Variants in SKAP1 observed in about 807,000 individuals in gnomAD.
SKAP1 encodes the protein src kinase associated phosphoprotein 1.
In SKAP1, 44 loss-of-function variants were observed where a neutral mutation model predicts 58.5. That is an observed-to-expected ratio of 0.75 (90% confidence interval 0.59 to 0.97). The LOEUF is 0.97. Among genes scored for constraint, SKAP1 ranks in the 50% least tolerant of loss-of-function variants. The pLI is 0.00. For missense variants in SKAP1, 390 were observed against 435.2 expected (o/e 0.90, Z 0.92); for synonymous variants, 127 against 149.7 (o/e 0.85, Z 1.11).
At position 48,238,118 on chromosome 17, in the gene SKAP1, C is replaced by T. The variant is rs184603842; in HGVS notation, c.281-48618G>A. On this transcript the variant is annotated intron_variant, in intron 4 of 12. Coordinates refer to ENST00000336915, the MANE Select transcript of SKAP1 (RefSeq NM_003726.4). ...AAGCAATTCTCCTGCCTCAGCCTCCCGAGTAGCTGGGATTACAGGCGCATG... is the reference window on the plus strand; with the variant it reads ...AAGCAATTCTCCTGCCTCAGCCTCCTGAGTAGCTGGGATTACAGGCGCATG... Among the ~76,000 whole-genome samples, 929 of 152,030 alleles carry T rather than the reference C, an allele frequency of 6.1e-3. 6 individuals carry two copies. Among genetic ancestry groups the T allele is most frequent in the Non-Finnish European group, 0.01 (712 of 67,972 alleles).
At chr17:48,420,321 A>G (rs1433585602) in intron 1 of SKAP1, among the ~76,000 whole-genome samples, 2 of 152,222 alleles carry the variant, frequency 1.3e-5, no homozygotes, top group Non-Finnish European at 2.9e-5. Flanking sequence ...AGGTAAAAAT[A>G]TTATCTTAAT....
intron 4 of SKAP1, among the ~76,000 whole-genome samples, chr17:48,230,697 C>T (rs969839640): frequency 7.9e-5 from 12 of 151,932 alleles, no homozygotes; most frequent in Non-Finnish European, 1.5e-4. Context: ...ATAGAGGCTA[C>T]GGTGAGCCAC....
chr17:48,205,088 T>TTCTC (rs55806288), intron 4 of SKAP1, among the ~76,000 whole-genome samples: 40 of 137,904 alleles, frequency 2.9e-4, no homozygotes, highest in Admixed American at 9.1e-4. Context: ...CTTTCTTTCC[T>TTCTC]TCTCTCTCTC....
At chr17:48,320,494 A>G (rs190447738) in intron 4 of SKAP1, among the ~76,000 whole-genome samples, 207 of 152,370 alleles carry the variant, frequency 1.4e-3, no homozygotes, top group Admixed American at 3.2e-3. Flanking sequence ...CCTGAACTTT[A>G]TAACTCCTAA....
At chr17:48,410,943 A>AG (rs2067655646) in intron 1 of SKAP1, among the ~76,000 whole-genome samples, 1 of 141,352 alleles carries the variant, frequency 7.1e-6, no homozygotes, top group African/African-American at 3.1e-5. Context: ...TCAAAAAAAA[A>AG]AAAAAAAAAA....
upstream of SKAP1, among the ~76,000 whole-genome samples, chr17:48,434,344 G>A (rs11658218): frequency 0.028 from 4,336 of 152,324 alleles, 103 homozygotes; most frequent in Non-Finnish European, 0.041. Flanking sequence ...GAAGGCAGAG[G>A]AGATGGACAT....
intron 1 of SKAP1, among the ~76,000 whole-genome samples, chr17:48,397,569 C>T (rs932099068): frequency 8.6e-5 from 13 of 151,962 alleles, no homozygotes; most frequent in African/African-American, 3.1e-4. Flanking sequence ...AAATAAGTCA[C>T]AGAAGGTCAC....
intron 4 of SKAP1, among the ~76,000 whole-genome samples, chr17:48,338,411 C>G (rs1369745218): frequency 6.6e-6 from 1 of 152,134 alleles, no homozygotes; most frequent in African/African-American, 2.4e-5. Context: ...CTTGGCCTCT[C>G]AAAGTTCTGG....
chr17:48,240,696 C>A (rs986138083), intron 4 of SKAP1, among the ~76,000 whole-genome samples: 1 of 152,136 alleles, frequency 6.6e-6, no homozygotes, highest in Non-Finnish European at 1.5e-5. Flanking sequence ...CAGTGTTGTT[C>A]CAGTGGAATT....
intron 4 of SKAP1, among the ~76,000 whole-genome samples, chr17:48,277,447 G>A (rs749431271): frequency 2.0e-5 from 3 of 152,166 alleles, no homozygotes; most frequent in Admixed American, 6.5e-5. Flanking sequence ...AATATATGGA[G>A]CATTCCTGAT....
intron 3 of SKAP1, among the ~76,000 whole-genome samples, chr17:48,361,398 T>C (rs1411319739): frequency 2.0e-5 from 3 of 151,818 alleles, no homozygotes; most frequent in African/African-American, 7.3e-5. Flanking sequence ...AGAGACAGGG[T>C]TTCACCATGT....
intron 11 of SKAP1, among the ~76,000 whole-genome samples, chr17:48,143,504 C>G (rs543002566): frequency 1.7e-4 from 26 of 152,140 alleles, no homozygotes; most frequent in Admixed American, 3.9e-4. Context: ...CCCAGCCTGT[C>G]AGGGCATTTT....
At chr17:48,363,724 C>T (rs1478078310) in intron 3 of SKAP1, 65 bp downstream of exon 3, 2 of 1,357,052 alleles carry the variant, frequency 1.5e-6, no homozygotes, top group Non-Finnish European at 2.1e-6. Flanking sequence ...AGAGAAGAGA[C>T]AGGAATAAAC....
chr17:48,444,721 C>A, the SKAP1 span, among the ~76,000 whole-genome samples: 1 of 152,204 alleles, frequency 6.6e-6, no homozygotes, highest in East Asian at 1.9e-4. Flanking sequence ...ATGCAGTCCT[C>A]TATCGGTAGG....
rs1358000603 is a variant in SKAP1 at position 48,180,136 on chromosome 17, T to A, written c.744A>T (p.Arg248Ser). The A allele has an allele frequency of 6.2e-7, 1 of 1,613,998 alleles. No individual in the cohort carries two copies. ...FDSPSCGSQCRPTILPGSVGI... is the reference protein window; with the variant it reads ...FDSPSCGSQCSPTILPGSVGI... The stretch of plus-strand genomic sequence containing the variant: ...CCACACTCCCAGGCAAGATAGTGGG[T>A]CTGCACTGGGAACCACAACTTGGGG... Residue 248 changes from arginine to serine, a missense_variant, in exon 9 of 13, where the codon AGA (arginine) becomes AGT (serine). By Grantham distance (110) the Arg-to-Ser change is moderately radical. Transcript: ENST00000336915.
chr17:48,154,486 T>C lies in SKAP1; in HGVS notation c.978+7983A>G, dbSNP rs79339902. Among the ~76,000 whole-genome samples, 402 of 152,204 alleles carry C rather than the reference T, an allele frequency of 2.6e-3. 1 individual carries two copies. The highest frequency in any genetic ancestry group is 9.1e-3 in the African/African-American group (376 of 41,536). On this transcript the variant is annotated intron_variant, in intron 11 of 12. Coordinates refer to ENST00000336915, the MANE Select transcript of SKAP1 (RefSeq NM_003726.4). ...AGTATAAATCTTATGCGTACCCAAC[T>C]TGTTGCTCCAAGGCTGCTTTCCATG...
At chr17:48,227,740 G>C (rs1374656424) in intron 4 of SKAP1, among the ~76,000 whole-genome samples, 1 of 152,208 alleles carries the variant, frequency 6.6e-6, no homozygotes, top group East Asian at 1.9e-4. Context: ...CTAGTAGAGA[G>C]TGGTGGTGAA....
At chr17:48,354,591 A>G (rs1054189095) in intron 3 of SKAP1, among the ~76,000 whole-genome samples, 1 of 152,210 alleles carries the variant, frequency 6.6e-6, no homozygotes, top group Non-Finnish European at 1.5e-5. Flanking sequence ...GCCTCACAAG[A>G]GTCAGCAGAA....
intron 4 of SKAP1, among the ~76,000 whole-genome samples, chr17:48,195,905 AC>A (rs1461545229): frequency 1.6e-4 from 24 of 152,196 alleles, no homozygotes; most frequent in African/African-American, 5.6e-4. Context: ...TATACTGAAG[AC>A]AAAAAAAACC....
Sources: gnomAD v4.1 joint callset for allele counts (sites outside exome capture counted in the v4.1 genomes callset) on GRCh38, gnomAD v4.1.1 for gene constraint, MANE v1.5 for transcripts, NCBI Gene and HGNC (gene_info 2026-07-23, HGNC 2026-07-21) for gene names.